Variants in SLC6A6 observed in about 807,000 individuals in gnomAD.
SLC6A6 encodes sodium- and chloride-dependent taurine transporter.
In SLC6A6, 16 loss-of-function variants were observed where a neutral mutation model predicts 68.8. The observed-to-expected ratio is 0.23, with a 90% confidence interval of 0.16 to 0.35. The LOEUF (loss-of-function observed/expected upper bound fraction) is 0.35, where lower values mean the gene tolerates loss of function less well. Among genes scored for constraint, SLC6A6 ranks in the 10% least tolerant of loss-of-function variants. SLC6A6 has a pLI of 1.00. For missense variants in SLC6A6, 474 were observed against 802.8 expected (o/e 0.59, Z 4.95); for synonymous variants, 312 against 315.4 (o/e 0.99, Z 0.12).
chr3:14,452,983 A>C (rs1439548346), intron 5 of SLC6A6, among the ~76,000 whole-genome samples: 1 of 152,244 alleles, frequency 6.6e-6, no homozygotes, highest in African/African-American at 2.4e-5. Flanking sequence ...TTAGAATCAA[A>C]GAAATGAGTC....
intron 10 of SLC6A6, among the ~76,000 whole-genome samples, chr3:14,473,154 G>A (rs1229675748): frequency 6.6e-6 from 1 of 152,226 alleles, no homozygotes; most frequent in Non-Finnish European, 1.5e-5. Context: ...GTGCTCGGAG[G>A]ACAATTCACT....
chr3:14,443,906 G>A, intron 3 of SLC6A6, 43 bp downstream of exon 3: 13 of 1,409,152 alleles, frequency 9.2e-6, no homozygotes, highest in Non-Finnish European at 1.3e-5. Flanking sequence ...CCAGTACAAA[G>A]CCGCCTTAGA....
Position 14,485,151 on chromosome 3 carries a change from T to TGTGC in SLC6A6, c.*152_*155dup, listed in dbSNP as rs1197263220. 155 of 557,516 alleles carry TGTGC rather than the reference T, an allele frequency of 2.8e-4. 1 individual carries two copies. Among genetic ancestry groups the TGTGC allele is most frequent in the Admixed American group, 3.9e-4 (11 of 28,066 alleles). The allele number at this position is 557,516 out of a possible 1,614,324, so 34.5% of individuals were successfully genotyped here. A position where few individuals can be genotyped will look rare whatever the true frequency, so the allele number is the denominator to read the frequency against. On this transcript the variant is annotated 3_prime_UTR_variant, in exon 15 of 15. Transcript: ENST00000622186. ...CACAGAAAATGTAATTGTGGGTATG[T>TGTGC]GTGCGTGCGTGTGTGTGTGTGTGTG...
chr3:14,440,430 C>A (rs999476362), intron 2 of SLC6A6, among the ~76,000 whole-genome samples: 1 of 151,906 alleles, frequency 6.6e-6, no homozygotes, highest in Admixed American at 6.6e-5. Context: ...CTGTGTGGCC[C>A]GTGTCCCAAG....
At position 14,480,267 on chromosome 3, in the gene SLC6A6, G is replaced by A. The variant is rs184767105; in HGVS notation, c.1551+1082G>A. Among the ~76,000 whole-genome samples, 443 of 152,354 alleles carry A rather than the reference G, an allele frequency of 2.9e-3. 2 individuals are homozygous for A. The highest frequency in any genetic ancestry group is 0.018 in the South Asian group (89 of 4,828). ...AGAGCCAGTAACCACAACAATTGGTGAGTTTATCTTTGGAGATGAGTTTAG... is the reference window on the plus strand; with the variant it reads ...AGAGCCAGTAACCACAACAATTGGTAAGTTTATCTTTGGAGATGAGTTTAG... On this transcript the variant is annotated intron_variant, in intron 13 of 14. Transcript: ENST00000622186.
chr3:14,439,231 G>A lies in SLC6A6; in HGVS notation c.-11-4393G>A, dbSNP rs750946213. On this transcript the variant is annotated intron_variant, in intron 2 of 14. Transcript: ENST00000622186. ...TCAGCCAGGCTGCTCGCTTCCCTGC[G>A]TGAGCCTCAGCTTCCTTTATCTATA... Among the ~76,000 whole-genome samples the A allele has an allele frequency of 5.3e-5, 8 of 152,228 alleles. No homozygotes were observed. In the South Asian group the frequency reaches 8.3e-4, roughly 16 times the overall value.
intron 13 of SLC6A6, among the ~76,000 whole-genome samples, chr3:14,480,894 G>A (rs572601363): frequency 6.6e-6 from 1 of 152,322 alleles, no homozygotes; most frequent in South Asian, 2.1e-4. Context: ...CATGCTGATG[G>A]CCACTAGCCA....
chr3:14,461,698 A>G (rs964903177), intron 6 of SLC6A6, among the ~76,000 whole-genome samples: 2 of 152,228 alleles, frequency 1.3e-5, no homozygotes, highest in Non-Finnish European at 1.5e-5. Context: ...CCCAGACTGC[A>G]TGACTTTGAA....
At chr3:14,466,186 C>T (rs529248938) in intron 6 of SLC6A6, among the ~76,000 whole-genome samples, 462 of 151,224 alleles carry the variant, frequency 3.1e-3, no homozygotes, top group Middle Eastern at 0.014. Flanking sequence ...CACTTGAACC[C>T]AGGAGGCGGA....
At chr3:14,482,292 T>C (rs1293271518) in intron 14 of SLC6A6, among the ~76,000 whole-genome samples, 2 of 152,188 alleles carry the variant, frequency 1.3e-5, no homozygotes, top group Admixed American at 1.3e-4. Flanking sequence ...ATGCCTTCTT[T>C]TATTGAGGAG....
chr3:14,416,014 G>A (rs956240936), intron 1 of SLC6A6, among the ~76,000 whole-genome samples: 3 of 152,160 alleles, frequency 2.0e-5, no homozygotes, highest in African/African-American at 7.2e-5. Flanking sequence ...CTCTGACCAA[G>A]GGCAATGTGA....
intron 1 of SLC6A6, among the ~76,000 whole-genome samples, chr3:14,412,523 G>A (rs945807356): frequency 1.4e-4 from 21 of 152,072 alleles, no homozygotes; most frequent in African/African-American, 4.6e-4. Context: ...CTAAAAAAAT[G>A]CAAAAATTCG....
chr3:14,429,101 G>A (rs1699665858), intron 2 of SLC6A6, among the ~76,000 whole-genome samples: 1 of 152,130 alleles, frequency 6.6e-6, no homozygotes, highest in African/African-American at 2.4e-5. Flanking sequence ...AAACATGCAG[G>A]CCTCACTCAG....
intron 5 of SLC6A6, among the ~76,000 whole-genome samples, chr3:14,452,905 T>C (rs1397600457): frequency 1.3e-5 from 2 of 152,232 alleles, no homozygotes; most frequent in African/African-American, 4.8e-5. Context: ...TCCATCAGGC[T>C]GGAGCCGTGC....
intron 2 of SLC6A6, among the ~76,000 whole-genome samples, chr3:14,419,616 C>T (rs941787916): frequency 3.9e-5 from 6 of 152,140 alleles, no homozygotes; most frequent in Non-Finnish European, 2.9e-5. Context: ...GGTAACCCAC[C>T]CCTGAAATGG....
chr3:14,469,303 A>G (rs1399957862), intron 9 of SLC6A6, among the ~76,000 whole-genome samples: 2 of 152,056 alleles, frequency 1.3e-5, no homozygotes, highest in South Asian at 2.1e-4. Flanking sequence ...GGCTCCTTCC[A>G]AGCCGAAGGG....
At chr3:14,408,795 G>A (rs966798570) in intron 1 of SLC6A6, among the ~76,000 whole-genome samples, 1 of 150,870 alleles carries the variant, frequency 6.6e-6, no homozygotes, top group South Asian at 2.1e-4. Flanking sequence ...CTGTAGTTTT[G>A]TTTTGTTTTT....
At chr3:14,473,227 C>T (rs1191110806) in intron 10 of SLC6A6, among the ~76,000 whole-genome samples, 5 of 152,194 alleles carry the variant, frequency 3.3e-5, no homozygotes, top group Non-Finnish European at 5.9e-5. Flanking sequence ...GTTGAAACAA[C>T]AGTTCAGAGC....
At position 14,472,660 on chromosome 3, in the gene SLC6A6, A is replaced by G. The variant is rs1028022536; in HGVS notation, c.1209+343A>G. Among the ~76,000 whole-genome samples, 4 of 152,218 alleles carry G rather than the reference A, an allele frequency of 2.6e-5. No individual in the cohort carries two copies. Among genetic ancestry groups the G allele is most frequent in the Non-Finnish European group, 4.4e-5 (3 of 68,044 alleles). The stretch of plus-strand genomic sequence containing the variant: ...GTTACAGTCAAGCCACAAATGACGA[A>G]TTGGAGGTCATGACTCAATAAGTCA... On this transcript the variant is annotated intron_variant, in intron 10 of 14. Coordinates refer to ENST00000622186, the MANE Select transcript of SLC6A6 (RefSeq NM_003043.6). The surrounding 1 kb of genome is among the most constrained non-coding windows in gnomAD (Gnocchi z 4.5).
Sources: gnomAD v4.1 joint callset for allele counts (sites outside exome capture counted in the v4.1 genomes callset) on GRCh38, gnomAD v4.1.1 for gene constraint, Gnocchi (gnomAD v3.1) non-coding constraint, MANE v1.5 for transcripts, NCBI Gene and HGNC (gene_info 2026-07-23, HGNC 2026-07-21) for gene names.